The following MYO1H variants were observed in gnomAD, a reference collection of about 807,000 sequenced individuals.
The protein encoded by MYO1H is myosin IH.
MYO1H carries 118 observed loss-of-function variants against 149.3 expected under a neutral mutation model. The observed-to-expected ratio is 0.79, with a 90% CI of 0.68 to 0.92. The LOEUF (loss-of-function observed/expected upper bound fraction) is 0.92. Ranked by LOEUF, MYO1H falls within the 40% of genes least tolerant of loss-of-function variation. MYO1H has a pLI of 0.00. For synonymous variants in MYO1H, 447 were observed against 465.2 expected (o/e 0.96, Z 0.50); for missense variants, 1,212 against 1,280.7 (o/e 0.95, Z 0.82).
upstream of MYO1H, among the ~76,000 whole-genome samples, chr12:109,345,557 T>A (rs2048100302): frequency 6.6e-6 from 1 of 152,144 alleles, no homozygotes; most frequent in Non-Finnish European, 1.5e-5. Context: ...TGGCAGGTCC[T>A]TAAAAAGTTA....
At chr12:109,312,790 GTTTT>G in the MYO1H span, among the ~76,000 whole-genome samples, 10 of 145,586 alleles carry the variant, frequency 6.9e-5, no homozygotes, top group South Asian at 4.4e-4. Context: ...GTTTTGTTTT[GTTTT>G]TTTTTTTTTT....
intron 1 of MYO1H, among the ~76,000 whole-genome samples, chr12:109,367,280 T>C (rs1868884043): frequency 6.6e-6 from 1 of 152,166 alleles, no homozygotes; most frequent in Admixed American, 6.6e-5. Flanking sequence ...CAAAAATAAG[T>C]TCTCCTTAGA....
chr12:109,380,274 C>G (rs759742264), intron 1 of MYO1H, among the ~76,000 whole-genome samples: 2 of 152,058 alleles, frequency 1.3e-5, no homozygotes, highest in Non-Finnish European at 2.9e-5. Context: ...GGAGCTAGGT[C>G]TCTGAATATG....
At chr12:109,352,617 G>A (rs1447042363) in intron 1 of MYO1H, among the ~76,000 whole-genome samples, 1 of 152,182 alleles carries the variant, frequency 6.6e-6, no homozygotes, top group Non-Finnish European at 1.5e-5. Context: ...ATGATGAAGT[G>A]TGTTAAACAT....
chr12:109,396,393 A>G lies in MYO1H; in HGVS notation c.300A>G (p.Ile100Met), dbSNP rs374362225. 6.5e-5 allele frequency: 104 copies of G among 1,608,280 alleles called. No individual in the cohort carries two copies. Among genetic ancestry groups the G allele is most frequent in the East Asian group, 1.1e-4 (5 of 44,650 alleles). Residue 100 changes from isoleucine (I) to methionine (M), a missense_variant, in exon 4 of 32, where the codon ATA (isoleucine) becomes ATG (methionine). Ile to Met is a conservative substitution (Grantham distance 10). Coordinates refer to ENST00000310903, the Ensembl canonical transcript of MYO1H. Reference sequence around the variant, plus strand: ...CTCACTCCTCCTCCAGCTACGCTATAGCCGACAACGCTTACCGAATGATGT... The same window carrying G: ...CTCACTCCTCCTCCAGCTACGCTATGGCCGACAACGCTTACCGAATGATGT...
At chr12:109,437,134 AG>A (rs1288889857) in intron 22 of MYO1H, among the ~76,000 whole-genome samples, 3 of 152,042 alleles carry the variant, frequency 2.0e-5, no homozygotes, top group Non-Finnish European at 4.4e-5. Flanking sequence ...TTTTTGAAAA[AG>A]TTTCAAACAT....
the MYO1H span, among the ~76,000 whole-genome samples, chr12:109,318,975 T>TTTTTTG: frequency 0.018 from 1,835 of 99,366 alleles, 41 homozygotes; most frequent in Non-Finnish European, 0.021. Context: ...TGGTTTTGTT[T>TTTTTTG]TTTTTTTTTT....
intron 27 of MYO1H, 119 bp from the exon 28 acceptor site, chr12:109,443,381 CACACACACACACAT>C (rs1872323838): frequency 1.2e-6 from 1 of 834,524 alleles, no homozygotes; most frequent in Non-Finnish European, 1.9e-6. Context: ...CACACACACA[CACACACACACACAT>C]ACACGCAAAA....
intron 4 of MYO1H, 127 bp downstream of exon 4, chr12:109,396,709 TCA>T: frequency 1.3e-6 from 1 of 757,082 alleles, no homozygotes; most frequent in Non-Finnish European, 2.0e-6. Flanking sequence ...ACAGATAGTG[TCA>T]CAGTTAAGGG....
the MYO1H span, among the ~76,000 whole-genome samples, chr12:109,342,126 CTT>C: frequency 4.8e-5 from 6 of 126,018 alleles, no homozygotes; most frequent in Non-Finnish European, 6.4e-5. Flanking sequence ...AAATTTGATT[CTT>C]TTTTTTTTTT....
In MYO1H at chr12:109,364,593, T is replaced by C. The variant is rs1868828459; in HGVS notation, c.12+16621T>C. ...ACCTGCCTCGGCTTCCCACGTTCTT[T>C]TTTAAAAGGCAGAAAATATTGGTTA... On this transcript the variant is annotated intron_variant, in intron 1 of 31. Coordinates refer to ENST00000310903, the Ensembl canonical transcript of MYO1H. Among the ~76,000 whole-genome samples, 5 of 152,162 alleles carry C rather than the reference T, an allele frequency of 3.3e-5. No individual in the cohort carries two copies. The South Asian group carries it at 1.0e-3, about 31-fold the overall frequency.
At chr12:109,385,902 T>G (rs1254087022) in intron 1 of MYO1H, among the ~76,000 whole-genome samples, 1 of 152,192 alleles carries the variant, frequency 6.6e-6, no homozygotes, top group Non-Finnish European at 1.5e-5. Context: ...AAATAAAATT[T>G]ACATATAGTG....
the MYO1H span, among the ~76,000 whole-genome samples, chr12:109,333,203 C>A: frequency 2.6e-5 from 4 of 152,028 alleles, no homozygotes; most frequent in Admixed American, 1.3e-4. Flanking sequence ...GCCTGTAATC[C>A]CAGCTACATG....
At chr12:109,416,548 T>A (rs1870920761) in intron 15 of MYO1H, among the ~76,000 whole-genome samples, 1 of 152,228 alleles carries the variant, frequency 6.6e-6, no homozygotes, top group Non-Finnish European at 1.5e-5. Context: ...GTTCATGCAT[T>A]CATCAATAAC....
intron 19 of MYO1H, 65 bp from the exon 20 acceptor site, chr12:109,432,823 CTGGGGCCGG>C: frequency 7.7e-7 from 1 of 1,294,812 alleles, no homozygotes. Flanking sequence ...CAGCAGGCCT[CTGGGGCCGG>C]GGATGTGGGG....
intron 16 of MYO1H, among the ~76,000 whole-genome samples, chr12:109,423,707 T>C (rs969870286): frequency 3.3e-5 from 5 of 152,224 alleles, no homozygotes; most frequent in African/African-American, 1.2e-4. Context: ...TGCAACTGGC[T>C]TATTTCACTT....
At chr12:109,443,967 C>T (rs1397951521) in intron 28 of MYO1H, among the ~76,000 whole-genome samples, 1 of 151,916 alleles carries the variant, frequency 6.6e-6, no homozygotes, top group Non-Finnish European at 1.5e-5. Context: ...CTGGACTGCA[C>T]CCTTATTCTG....
At chr12:109,431,054 CA>C (rs772066497) in intron 19 of MYO1H, among the ~76,000 whole-genome samples, 2,042 of 110,892 alleles carry the variant, frequency 0.018, 9 homozygotes, top group African/African-American at 0.028. Flanking sequence ...GACTCCATCT[CA>C]AAAAAAAAAA....
intron 1 of MYO1H, among the ~76,000 whole-genome samples, chr12:109,365,681 A>T (rs936212385): frequency 3.3e-5 from 5 of 152,134 alleles, no homozygotes; most frequent in African/African-American, 9.7e-5. Flanking sequence ...CCTATTTCAC[A>T]GGGGGGTTGT....
Sources: gnomAD v4.1 joint callset for allele counts (sites outside exome capture counted in the v4.1 genomes callset) on GRCh38, gnomAD v4.1.1 for gene constraint, MANE v1.5 for transcripts, NCBI Gene and HGNC (gene_info 2026-07-23, HGNC 2026-07-21) for gene names.